Variants in DSCAM observed in about 807,000 individuals in gnomAD.
The protein encoded by DSCAM is DS cell adhesion molecule.
In DSCAM, 47 loss-of-function variants were observed where a neutral mutation model predicts 217.7. The observed-to-expected ratio is 0.22, with a 90% CI of 0.17 to 0.28. DSCAM has a LOEUF of 0.28. DSCAM is among the 10% of genes least tolerant of loss of function. DSCAM has a pLI of 1.00. For missense variants in DSCAM, 2,080 were observed against 2,618.3 expected (o/e 0.79, Z 4.49); for synonymous variants, 1,056 against 1,015.3 (o/e 1.04, Z -0.76).
At chr21:40,563,201 C>G (rs974978376) in intron 3 of DSCAM, among the ~76,000 whole-genome samples, 1 of 151,142 alleles carries the variant, frequency 6.6e-6, no homozygotes, top group African/African-American at 2.5e-5. Context: ...TTGTCCAGGA[C>G]TCTCTCATTT....
intron 25 of DSCAM, among the ~76,000 whole-genome samples, chr21:40,079,513 C>G (rs536612445): frequency 9.9e-5 from 15 of 152,152 alleles, no homozygotes; most frequent in African/African-American, 3.4e-4. Context: ...CTTGCTATCT[C>G]ATTACTCGCT....
chr21:40,051,661 C>A (rs538366022), intron 30 of DSCAM, among the ~76,000 whole-genome samples: 1 of 152,246 alleles, frequency 6.6e-6, no homozygotes, highest in African/African-American at 2.4e-5. Context: ...CAGATACACA[C>A]TAAAGTAGAT....
chr21:40,076,639 T>C (rs2089370073), intron 26 of DSCAM, among the ~76,000 whole-genome samples: 1 of 152,246 alleles, frequency 6.6e-6, no homozygotes, highest in South Asian at 2.1e-4. Context: ...GAAAATTATA[T>C]CTTTTCTTAG....
chr21:40,525,284 T>C (rs2076392055), intron 3 of DSCAM, among the ~76,000 whole-genome samples: 1 of 152,174 alleles, frequency 6.6e-6, no homozygotes, highest in Non-Finnish European at 1.5e-5. Flanking sequence ...AAAACTAAAC[T>C]TGAAAATGAT....
At chr21:40,680,175 T>C (rs777472351) in intron 3 of DSCAM, among the ~76,000 whole-genome samples, 4 of 152,210 alleles carry the variant, frequency 2.6e-5, no homozygotes, top group Non-Finnish European at 5.9e-5. Context: ...AGCAAGGTTA[T>C]ATGACTAACT....
At position 40,777,261 on chromosome 21, in the gene DSCAM, T is replaced by A. The variant is rs1447983171; in HGVS notation, c.44-68490A>T. Among the ~76,000 whole-genome samples, 3 of 152,290 alleles carry A rather than the reference T, an allele frequency of 2.0e-5. No individual in the cohort carries two copies. In the East Asian group the frequency reaches 5.8e-4, roughly 29 times the overall value. The stretch of plus-strand genomic sequence containing the variant: ...GCTCCACACTTATGACCTAATCACC[T>A]CTCAAAGACTGCACCTTTTACTACC... On this transcript the variant is annotated intron_variant, in intron 1 of 32. Coordinates refer to ENST00000400454, the MANE Select transcript of DSCAM (RefSeq NM_001389.5).
rs373693310 is a variant in DSCAM, at chr21:40,399,276, CAA to C, written c.509-30033_509-30032del. 2.0e-3 allele frequency among the ~76,000 whole-genome samples: 281 copies of C among 139,820 alleles called. 6 individuals carry two copies. In the South Asian group the frequency reaches 0.05, roughly 25 times the overall value. 91.7% of individuals were successfully genotyped at this position (139,820 alleles called of 152,430 possible). ...CAGAGGAAGACCCTGTCTCACAAAACAAAACAAAACAAAACAAAACAAAACAA... is the reference window on the plus strand; with the variant it reads ...CAGAGGAAGACCCTGTCTCACAAAACAACAAAACAAAACAAAACAAAACAA... On this transcript the variant is annotated intron_variant, in intron 3 of 32. Transcript: ENST00000400454.
chr21:40,492,800 G>A (rs990336015), intron 3 of DSCAM, among the ~76,000 whole-genome samples: 1 of 151,986 alleles, frequency 6.6e-6, no homozygotes, highest in Non-Finnish European at 1.5e-5. Context: ...AAGACTAAGA[G>A]GTAGAACACT....
rs183662499 is a variant in DSCAM at position 40,293,985 on chromosome 21, T to C, written c.2182+2070A>G. 1.9e-3 allele frequency among the ~76,000 whole-genome samples: 297 copies of C among 152,314 alleles called. 1 individual carries two copies. The highest frequency in any genetic ancestry group is 6.5e-3 in the African/African-American group (271 of 41,588). ...GTATGCAATTGCTTGGGGACAGGACTGACAGTCTAGAGACAAAAAATGTTT... is the reference window on the plus strand; with the variant it reads ...GTATGCAATTGCTTGGGGACAGGACCGACAGTCTAGAGACAAAAAATGTTT... On this transcript the variant is annotated intron_variant, in intron 10 of 32. Transcript: ENST00000400454.
At chr21:40,574,766 G>A (rs1170134619) in intron 3 of DSCAM, among the ~76,000 whole-genome samples, 1 of 145,852 alleles carries the variant, frequency 6.9e-6, no homozygotes, top group Admixed American at 6.9e-5. Flanking sequence ...TGGGTGCAAT[G>A]GCAGGGTCTT....
intron 1 of DSCAM, among the ~76,000 whole-genome samples, chr21:40,751,731 G>A (rs1209259934): frequency 6.6e-6 from 1 of 151,954 alleles, no homozygotes; most frequent in Non-Finnish European, 1.5e-5. Flanking sequence ...GAGCACACAG[G>A]GGCCTTTTCA....
intron 32 of DSCAM, among the ~76,000 whole-genome samples, chr21:40,027,040 C>A (rs1336592674): frequency 6.6e-6 from 1 of 152,308 alleles, no homozygotes; most frequent in Non-Finnish European, 1.5e-5. Flanking sequence ...ATGTTTAGTG[C>A]TTCCTTCAGG....
intron 4 of DSCAM, among the ~76,000 whole-genome samples, chr21:40,365,037 T>C (rs912654942): frequency 1.3e-5 from 2 of 150,832 alleles, no homozygotes; most frequent in Non-Finnish European, 3.0e-5. Flanking sequence ...TATATGCTAC[T>C]ATAAATAAAA....
At chr21:40,240,035 C>T (rs998303499) in intron 11 of DSCAM, among the ~76,000 whole-genome samples, 1 of 152,180 alleles carries the variant, frequency 6.6e-6, no homozygotes, top group Non-Finnish European at 1.5e-5. Context: ...GCACACAAAA[C>T]ACCCAGAGAT....
chr21:40,302,992 T>C (rs767459812), intron 9 of DSCAM, among the ~76,000 whole-genome samples: 3 of 152,174 alleles, frequency 2.0e-5, no homozygotes, highest in African/African-American at 4.8e-5. Context: ...TAAGTTGCTA[T>C]ATATTTCCAA....
intron 3 of DSCAM, among the ~76,000 whole-genome samples, chr21:40,634,039 C>T (rs1568951395): frequency 6.6e-6 from 1 of 152,122 alleles, no homozygotes; most frequent in Non-Finnish European, 1.5e-5. Context: ...AAAGAGAAAG[C>T]CTAGCAGCTA....
chr21:40,823,613 C>T (rs2091946829), intron 1 of DSCAM, among the ~76,000 whole-genome samples: 1 of 152,112 alleles, frequency 6.6e-6, no homozygotes, highest in South Asian at 2.1e-4. Context: ...CTAACAGGAA[C>T]CAAAATTGAT....
intron 3 of DSCAM, among the ~76,000 whole-genome samples, chr21:40,619,997 GAAAGAGAGAGAAAAAAGAA>G (rs869037021): frequency 0.021 from 2,214 of 106,996 alleles, 47 homozygotes; most frequent in Non-Finnish European, 0.035. Flanking sequence ...AAGAGAGAGA[GAAAGAGAGAGAAAAAAGAA>G]AAAGAAAGAA....
intron 3 of DSCAM, among the ~76,000 whole-genome samples, chr21:40,477,591 C>G (rs2075948277): frequency 6.6e-6 from 1 of 151,998 alleles, no homozygotes; most frequent in South Asian, 2.1e-4. Flanking sequence ...GTAAGTTTCA[C>G]TTTTTTATGT....
Sources: allele counts gnomAD v4.1 joint callset (sites outside exome capture counted in the v4.1 genomes callset), GRCh38; gene constraint gnomAD v4.1.1; transcripts MANE v1.5; gene names NCBI Gene and HGNC (gene_info 2026-07-23, HGNC 2026-07-21).